Variants in ADAMTSL1 observed in about 807,000 individuals in gnomAD.
The protein encoded by ADAMTSL1 is ADAMTS like 1.
A neutral mutation model predicts 201.8 loss-of-function variants in ADAMTSL1; 126 were observed. That is an observed-to-expected ratio of 0.62 (90% CI 0.54 to 0.72). The LOEUF is 0.72. Among genes scored for constraint, ADAMTSL1 ranks in the 30% least tolerant of loss-of-function variants. The pLI is 0.00. For synonymous variants in ADAMTSL1, 1,121 were observed against 903.4 expected (o/e 1.24, Z -4.32); for missense variants, 2,679 against 2,277.8 (o/e 1.18, Z -3.59).
At chr9:18,277,171 T>C (rs377477897) in intron 2 of ADAMTSL1, among the ~76,000 whole-genome samples, 16 of 152,356 alleles carry the variant, frequency 1.1e-4, no homozygotes, top group African/African-American at 3.6e-4. Flanking sequence ...ATATGATCTA[T>C]CCTGCATAAT....
intron 1 of ADAMTSL1, among the ~76,000 whole-genome samples, chr9:18,081,273 T>A (rs1360629258): frequency 1.3e-5 from 2 of 152,228 alleles, no homozygotes; most frequent in African/African-American, 4.8e-5. Context: ...GTGTATGCTA[T>A]GTATCCCCAA....
intron 2 of ADAMTSL1, among the ~76,000 whole-genome samples, chr9:18,322,944 G>A (rs1427573691): frequency 3.9e-5 from 6 of 152,146 alleles, no homozygotes; most frequent in African/African-American, 1.4e-4. Context: ...GTTTAGACTA[G>A]TGAGTTCTAT....
At chr9:18,443,538 C>G (rs537144912) in intron 2 of ADAMTSL1, among the ~76,000 whole-genome samples, 6 of 152,228 alleles carry the variant, frequency 3.9e-5, no homozygotes, top group South Asian at 2.1e-4. Context: ...AGGTATAGAA[C>G]TCATTCAGTG....
chr9:18,481,132 G>T (rs1587334377), intron 1 of ADAMTSL1, among the ~76,000 whole-genome samples: 1 of 152,282 alleles, frequency 6.6e-6, no homozygotes, highest in South Asian at 2.1e-4. Context: ...ACTCACAAAG[G>T]CAAAGTAAAC....
Position 18,886,166 on chromosome 9 carries a change from GTATATATATATATATA to G in ADAMTSL1, c.4250-1634_4250-1619del, listed in dbSNP as rs751978972. ...TATATATACATGTGAGTGTGTATGT[GTATATATATATATATA>G]TATATATATATATATATATATATAT... On this transcript the variant is annotated intron_variant, in intron 23 of 28. Transcript: ENST00000380548. Among the ~76,000 whole-genome samples the G allele has an allele frequency of 1.4e-3, 51 of 37,148 alleles. 2 individuals carry two copies. The highest frequency in any genetic ancestry group is 3.9e-3 in the Admixed American group (15 of 3,826). The allele number at this position is 37,148 out of a possible 152,430, so 24.4% of individuals were successfully genotyped here. A position where few individuals can be genotyped will look rare whatever the true frequency, so the allele number is the denominator to read the frequency against.
chr9:18,802,955 T>C (rs1005564173), intron 20 of ADAMTSL1, among the ~76,000 whole-genome samples: 2 of 152,238 alleles, frequency 1.3e-5, no homozygotes, highest in African/African-American at 4.8e-5. Flanking sequence ...TAATATTGAC[T>C]AATGATGTCA....
intron 4 of ADAMTSL1, 114 bp downstream of exon 4, chr9:18,574,380 G>C (rs1367717904): frequency 1.0e-6 from 1 of 970,886 alleles, no homozygotes; most frequent in Non-Finnish European, 1.6e-6. Flanking sequence ...TTTAGAGTTT[G>C]TAAATGGTGA....
chr9:18,204,860 T>C (rs1028510760), intron 2 of ADAMTSL1, among the ~76,000 whole-genome samples: 6 of 152,230 alleles, frequency 3.9e-5, no homozygotes, highest in Admixed American at 3.9e-4. Context: ...TTGTTTGTTC[T>C]AGAATAAGCT....
intron 1 of ADAMTSL1, among the ~76,000 whole-genome samples, chr9:18,022,084 C>T (rs1820500713): frequency 6.6e-6 from 1 of 152,078 alleles, no homozygotes; most frequent in Admixed American, 6.6e-5. Flanking sequence ...TTGTTTTGCT[C>T]TCCTAATACT....
intron 2 of ADAMTSL1, among the ~76,000 whole-genome samples, chr9:18,212,224 G>A (rs1829898651): frequency 6.6e-6 from 1 of 152,108 alleles, no homozygotes; most frequent in South Asian, 2.1e-4. Context: ...GAAGAAGACT[G>A]ATTGCTTTGG....
chr9:17,930,993 C>T (rs1039691906), intron 1 of ADAMTSL1, among the ~76,000 whole-genome samples: 2 of 152,270 alleles, frequency 1.3e-5, no homozygotes, highest in African/African-American at 2.4e-5. Context: ...GTGCTATTTT[C>T]GTTCCCACAT....
At chr9:18,413,712 T>G (rs1387540246) in intron 2 of ADAMTSL1, among the ~76,000 whole-genome samples, 1 of 152,200 alleles carries the variant, frequency 6.6e-6, no homozygotes, top group Non-Finnish European at 1.5e-5. Flanking sequence ...CAACTCTTCA[T>G]TCTCTTTTAT....
intron 9 of ADAMTSL1, 150 bp from the exon 10 acceptor site, chr9:18,675,707 G>C: frequency 1.5e-6 from 1 of 678,472 alleles, no homozygotes; most frequent in Non-Finnish European, 2.5e-6. Context: ...CTGGCATAAA[G>C]ATATAAAACT....
intron 2 of ADAMTSL1, among the ~76,000 whole-genome samples, chr9:18,289,783 A>G (rs1833177826): frequency 6.6e-6 from 1 of 152,208 alleles, no homozygotes; most frequent in African/African-American, 2.4e-5. Flanking sequence ...CTATTTTTTA[A>G]TATTCGGGCC....
chr9:18,403,239 A>G (rs1818054106), intron 2 of ADAMTSL1, among the ~76,000 whole-genome samples: 1 of 151,586 alleles, frequency 6.6e-6, no homozygotes, highest in Non-Finnish European at 1.5e-5. Context: ...GCTGGAGTGC[A>G]GTAGCATGAT....
At chr9:18,592,431 G>A (rs761989450) in intron 4 of ADAMTSL1, among the ~76,000 whole-genome samples, 4 of 152,126 alleles carry the variant, frequency 2.6e-5, no homozygotes, top group Admixed American at 1.3e-4. Flanking sequence ...TGCTTCAAAT[G>A]CTGAATGTCC....
At chr9:18,600,954 C>T (rs1317031529) in intron 4 of ADAMTSL1, among the ~76,000 whole-genome samples, 3 of 152,190 alleles carry the variant, frequency 2.0e-5, no homozygotes, top group Admixed American at 6.5e-5. Flanking sequence ...AAGCCTACTG[C>T]TTTTCAAATC....
At chr9:17,937,867 A>G (rs2131337681) in intron 1 of ADAMTSL1, among the ~76,000 whole-genome samples, 1 of 152,320 alleles carries the variant, frequency 6.6e-6, no homozygotes, top group East Asian at 1.9e-4. Flanking sequence ...ATGGTGTTTT[A>G]CAATTCATGT....
At chr9:18,803,389 C>T (rs913594732) in intron 20 of ADAMTSL1, among the ~76,000 whole-genome samples, 1 of 152,176 alleles carries the variant, frequency 6.6e-6, no homozygotes, top group African/African-American at 2.4e-5. Context: ...TTCATGTTGC[C>T]CAACTCTGAT....
Sources: gnomAD v4.1 joint callset for allele counts (sites outside exome capture counted in the v4.1 genomes callset) on GRCh38, gnomAD v4.1.1 for gene constraint, MANE v1.5 for transcripts, NCBI Gene and HGNC (gene_info 2026-07-23, HGNC 2026-07-21) for gene names.